SHTN1: variants seen among roughly 807,000 people sequenced by gnomAD.
SHTN1 encodes shootin 1.
Under a neutral mutation model 83.1 loss-of-function variants are expected in SHTN1, and 42 were observed. The observed-to-expected ratio is 0.51, with a 90% CI of 0.39 to 0.65. SHTN1 has a LOEUF of 0.65. Ranked by LOEUF, SHTN1 falls within the 30% of genes least tolerant of loss-of-function variation. The pLI is 0.00. For synonymous variants in SHTN1, 224 were observed against 247.7 expected, an observed-to-expected ratio of 0.90 and a Z score of 0.90; for missense variants, 622 against 737.8, an observed-to-expected ratio of 0.84 and a Z score of 1.82.
At chr10:116,902,090 T>G in intron 15 of SHTN1, 133 bp from the exon 16 acceptor site, 1 of 737,156 alleles carries the variant, frequency 1.4e-6, no homozygotes, top group Non-Finnish European at 2.1e-6. Flanking sequence ...AAGAGCATGC[T>G]GGAAAATGTT....
chr10:117,049,406 T>G (rs1041012840), intron 1 of SHTN1, among the ~76,000 whole-genome samples: 1 of 152,140 alleles, frequency 6.6e-6, no homozygotes, highest in Non-Finnish European at 1.5e-5. Context: ...CTCATAGAAT[T>G]TTAACCTAGC....
At chr10:116,901,681 T>C (rs1847743282) in intron 16 of SHTN1, 84 bp downstream of exon 16, 2 of 1,394,990 alleles carry the variant, frequency 1.4e-6, no homozygotes, top group Non-Finnish European at 1.9e-6. Context: ...AAAATCTCTC[T>C]AAAGGAAACA....
intron 1 of SHTN1, among the ~76,000 whole-genome samples, chr10:117,003,291 G>C (rs753285611): frequency 7.3e-5 from 11 of 149,948 alleles, no homozygotes; most frequent in Non-Finnish European, 1.5e-5. Context: ...TAAAACACTT[G>C]AGAAACTTCA....
intron 1 of SHTN1, among the ~76,000 whole-genome samples, chr10:117,054,334 T>C (rs1852795139): frequency 6.6e-6 from 1 of 152,062 alleles, no homozygotes; most frequent in African/African-American, 2.4e-5. Context: ...GTCATGCCTG[T>C]AGGACATCAA....
At chr10:117,001,862 A>G (rs1851833289) in intron 1 of SHTN1, among the ~76,000 whole-genome samples, 1 of 152,206 alleles carries the variant, frequency 6.6e-6, no homozygotes, top group African/African-American at 2.4e-5. Context: ...ATAAATATGT[A>G]CAAGTCTCAT....
At chr10:117,085,918 A>ATT (rs35586223) in intron 1 of SHTN1, among the ~76,000 whole-genome samples, 5,250 of 121,046 alleles carry the variant, frequency 0.043, 347 homozygotes, top group East Asian at 0.051. Context: ...GCTTTGTCTG[A>ATT]TTTTTTTTTT....
chr10:116,970,043 C>T (rs567843538), intron 2 of SHTN1, among the ~76,000 whole-genome samples: 4 of 151,984 alleles, frequency 2.6e-5, no homozygotes, highest in East Asian at 1.9e-4. Context: ...TTCTTAATTC[C>T]GATTTTCAAT....
chr10:117,109,347 T>C (rs1268627989), intron 1 of SHTN1, among the ~76,000 whole-genome samples: 2 of 152,012 alleles, frequency 1.3e-5, no homozygotes, highest in Non-Finnish European at 2.9e-5. Context: ...GCACACTGTT[T>C]TGAGCACAGT....
At chr10:117,061,828 C>A (rs1380523163) in intron 1 of SHTN1, among the ~76,000 whole-genome samples, 1 of 152,172 alleles carries the variant, frequency 6.6e-6, no homozygotes, top group Non-Finnish European at 1.5e-5. Flanking sequence ...ACCTAACAAT[C>A]AGCACCAACC....
chr10:116,893,152 C>CA (rs1386821420), intron 16 of SHTN1, among the ~76,000 whole-genome samples: 1 of 152,134 alleles, frequency 6.6e-6, no homozygotes, highest in African/African-American at 2.4e-5. Context: ...GCTGTTTGCA[C>CA]AGCAACTCAG....
chr10:117,097,159 T>C (rs1162531763), intron 1 of SHTN1, among the ~76,000 whole-genome samples: 5 of 152,256 alleles, frequency 3.3e-5, no homozygotes, highest in African/African-American at 1.2e-4. Flanking sequence ...TTTGGTTCTC[T>C]GAAATCCAAA....
At chr10:116,964,220 T>C (rs1357674524) in intron 3 of SHTN1, among the ~76,000 whole-genome samples, 3 of 152,336 alleles carry the variant, frequency 2.0e-5, no homozygotes, top group East Asian at 1.9e-4. Flanking sequence ...AGCCTGACTA[T>C]GTGTCCAGCC....
At chr10:117,090,545 A>G (rs1163890561) in intron 1 of SHTN1, among the ~76,000 whole-genome samples, 1 of 152,188 alleles carries the variant, frequency 6.6e-6, no homozygotes, top group Non-Finnish European at 1.5e-5. Flanking sequence ...TAAGATGGTC[A>G]ATTTTATGCT....
chr10:116,906,847 TG>T (rs1323232811), intron 14 of SHTN1, 100 bp from the exon 15 acceptor site: 1 of 991,180 alleles, frequency 1.0e-6, no homozygotes, highest in Non-Finnish European at 1.4e-6. Context: ...AGAATTTGAA[TG>T]GAATTATGAA....
chr10:116,981,622 AT>A (rs1450671072), intron 1 of SHTN1, among the ~76,000 whole-genome samples: 1 of 152,244 alleles, frequency 6.6e-6, no homozygotes, highest in Non-Finnish European at 1.5e-5. Context: ...ATATATAAGT[AT>A]TTTATTAAAA....
intron 2 of SHTN1, among the ~76,000 whole-genome samples, chr10:117,040,402 A>C (rs563955822): frequency 6.6e-6 from 1 of 152,354 alleles, no homozygotes; most frequent in Non-Finnish European, 1.5e-5. Flanking sequence ...GACACCAATG[A>C]AATTCAATAG....
intron 1 of SHTN1, among the ~76,000 whole-genome samples, chr10:116,997,734 G>GGGAAC (rs1313693773): frequency 2.6e-5 from 4 of 152,104 alleles, no homozygotes; most frequent in Non-Finnish European, 4.4e-5. Flanking sequence ...TAAAGTTACT[G>GGGAAC]GTTCCCCCTT....
At chr10:117,089,954 T>C (rs1441274104) in intron 1 of SHTN1, among the ~76,000 whole-genome samples, 2 of 152,092 alleles carry the variant, frequency 1.3e-5, no homozygotes, top group African/African-American at 4.8e-5. Context: ...GTGGAGAAAT[T>C]AGAACCCTTG....
chr10:116,926,098 G>A (rs1220368301), intron 11 of SHTN1, among the ~76,000 whole-genome samples: 2 of 151,896 alleles, frequency 1.3e-5, no homozygotes, highest in Non-Finnish European at 2.9e-5. Flanking sequence ...TCTTTAAAGA[G>A]CCTTATAAAA....
Sources: allele counts gnomAD v4.1 joint callset (sites outside exome capture counted in the v4.1 genomes callset), GRCh38; gene constraint gnomAD v4.1.1; transcripts MANE v1.5; gene names NCBI Gene and HGNC (gene_info 2026-07-23, HGNC 2026-07-21).